Variants in ZFYVE28 observed in about 807,000 individuals in gnomAD.
ZFYVE28 encodes the protein lateral signaling target protein 2 homolog.
ZFYVE28 carries 40 observed loss-of-function variants against 82.1 expected under a neutral mutation model. The ratio of observed to expected loss-of-function variants is 0.49; its 90% CI spans 0.38 to 0.63. The LOEUF (loss-of-function observed/expected upper bound fraction) is 0.63. Ranked by LOEUF, ZFYVE28 falls within the 30% of genes least tolerant of loss-of-function variation. ZFYVE28 has a pLI of 0.00. For synonymous variants in ZFYVE28, 612 were observed against 546.1 expected (o/e 1.12, Z -1.68); for missense variants, 1,321 against 1,242.1 (o/e 1.06, Z -0.96).
chr4:2,413,697 T>A (rs1732752787), intron 1 of ZFYVE28, among the ~76,000 whole-genome samples: 1 of 152,254 alleles, frequency 6.6e-6, no homozygotes, highest in Non-Finnish European at 1.5e-5. Flanking sequence ...ATCAGTAGCC[T>A]GGCTAGAAGT....
At chr4:2,284,035 A>G (rs1283105082) in intron 8 of ZFYVE28, among the ~76,000 whole-genome samples, 1 of 152,218 alleles carries the variant, frequency 6.6e-6, no homozygotes, top group Non-Finnish European at 1.5e-5. Flanking sequence ...AATTCCCTGT[A>G]GGCTACACTT....
intron 8 of ZFYVE28, among the ~76,000 whole-genome samples, chr4:2,297,445 C>T (rs947215381): frequency 4.6e-5 from 7 of 152,164 alleles, no homozygotes; most frequent in Admixed American, 1.3e-4. Flanking sequence ...CCAGGTGGGG[C>T]GCGGTGGGTG....
Position 2,386,055 on chromosome 4 carries a change from C to A in ZFYVE28, c.40-31982G>T, listed in dbSNP as rs536556193. ...TTTTCTGTTCCCACCAAAAACCCCA[C>A]AATTTCTTCCCTTCCCTTCCCTGCT... On this transcript the variant is annotated intron_variant, in intron 1 of 12. Transcript: ENST00000290974. Among the ~76,000 whole-genome samples, 5 of 152,342 alleles carry A rather than the reference C, an allele frequency of 3.3e-5. No individual in the cohort carries two copies. The South Asian group carries it at 6.2e-4, about 19-fold the overall frequency.
chr4:2,330,784 T>C, intron 6 of ZFYVE28: 1 of 1,520,068 alleles, frequency 6.6e-7, no homozygotes, highest in South Asian at 1.2e-5. Context: ...GATAGGACAG[T>C]CAAGGGGACC....
At chr4:2,282,082 A>C (rs1238100436) in intron 8 of ZFYVE28, among the ~76,000 whole-genome samples, 4 of 152,124 alleles carry the variant, frequency 2.6e-5, no homozygotes, top group Non-Finnish European at 5.9e-5. Flanking sequence ...CAGAGTCTGA[A>C]CCCTTGTCAC....
At chr4:2,346,341 C>CAAA (rs533714412) in intron 2 of ZFYVE28, among the ~76,000 whole-genome samples, 1 of 98,136 alleles carries the variant, frequency 1.0e-5, no homozygotes, top group African/African-American at 3.9e-5. Flanking sequence ...GACTCCATCT[C>CAAA]AAAAAAAAAA....
chr4:2,360,025 G>A lies in ZFYVE28; in HGVS notation c.40-5952C>T, dbSNP rs556984139. Among the ~76,000 whole-genome samples the A allele has an allele frequency of 4.2e-4, 64 of 152,188 alleles. No individual in the cohort carries two copies. The East Asian group carries it at 9.1e-3, about 22-fold the overall frequency. ...TACCCACCCCGGACAAGCGCACGGC[G>A]TCTACAACAACCTGCGAGGCCATTT... is the stretch of plus-strand genomic sequence containing the variant. On this transcript the variant is annotated intron_variant, in intron 1 of 12. Transcript: ENST00000290974.
At chr4:2,352,193 G>C (rs1724569714) in intron 2 of ZFYVE28, among the ~76,000 whole-genome samples, 1 of 152,210 alleles carries the variant, frequency 6.6e-6, no homozygotes, top group African/African-American at 2.4e-5. Flanking sequence ...CTGGGCGTAA[G>C]GTGGGCCCTG....
intron 1 of ZFYVE28, among the ~76,000 whole-genome samples, chr4:2,400,366 G>A (rs1354760033): frequency 6.6e-6 from 1 of 152,068 alleles, no homozygotes; most frequent in Non-Finnish European, 1.5e-5. Flanking sequence ...CTCTGTGACA[G>A]CACACGCACA....
intron 6 of ZFYVE28, chr4:2,330,132 G>T: frequency 3.4e-6 from 1 of 295,544 alleles, no homozygotes; most frequent in Non-Finnish European, 5.0e-6. Flanking sequence ...AATAGGGGGT[G>T]GAGGTGACCG....
At chr4:2,355,199 AATATATAT>A (rs71167785) in intron 1 of ZFYVE28, among the ~76,000 whole-genome samples, 2 of 48,938 alleles carry the variant, frequency 4.1e-5, no homozygotes, top group Non-Finnish European at 7.7e-5. Flanking sequence ...AGTCCTTGAA[AATATATAT>A]ATATATATAT....
intron 1 of ZFYVE28, among the ~76,000 whole-genome samples, chr4:2,369,903 T>G (rs1727337827): frequency 7.0e-6 from 1 of 143,002 alleles, no homozygotes; most frequent in Non-Finnish European, 1.5e-5. Context: ...CAGGCTGGAG[T>G]GCAGTGGCGT....
chr4:2,388,109 G>A (rs1353040640), intron 1 of ZFYVE28, among the ~76,000 whole-genome samples: 1 of 152,230 alleles, frequency 6.6e-6, no homozygotes, highest in Non-Finnish European at 1.5e-5. Context: ...CCAAGGGAGA[G>A]GACGCAGCAC....
intron 8 of ZFYVE28, among the ~76,000 whole-genome samples, chr4:2,279,703 C>T (rs934403128): frequency 3.8e-4 from 58 of 151,974 alleles, no homozygotes; most frequent in African/African-American, 1.3e-3. Flanking sequence ...ATGGCGTGAA[C>T]CCGGGAGGCG....
At chr4:2,314,278 C>A (rs1370708308) in intron 7 of ZFYVE28, among the ~76,000 whole-genome samples, 1 of 152,234 alleles carries the variant, frequency 6.6e-6, no homozygotes, top group South Asian at 2.1e-4. Flanking sequence ...ACCTTGTTCA[C>A]GTACTTGTGT....
intron 1 of ZFYVE28, among the ~76,000 whole-genome samples, chr4:2,364,042 C>T (rs950947290): frequency 5.9e-5 from 9 of 152,324 alleles, no homozygotes; most frequent in African/African-American, 1.7e-4. Context: ...AAGCCACCAC[C>T]GATGTTGGTG....
chr4:2,337,921 T>G (rs533203082), intron 4 of ZFYVE28, among the ~76,000 whole-genome samples: 3 of 149,750 alleles, frequency 2.0e-5, no homozygotes, highest in Non-Finnish European at 4.4e-5. Flanking sequence ...GGCAGTTTCA[T>G]AGTACACAGC....
chr4:2,390,477 A>G (rs1729712149), intron 1 of ZFYVE28, among the ~76,000 whole-genome samples: 1 of 152,180 alleles, frequency 6.6e-6, no homozygotes, highest in Admixed American at 6.5e-5. Flanking sequence ...GATGATGGGG[A>G]GCCAGGACCC....
chr4:2,291,865 T>C (rs1477827542), intron 8 of ZFYVE28, among the ~76,000 whole-genome samples: 1 of 152,130 alleles, frequency 6.6e-6, no homozygotes, highest in Non-Finnish European at 1.5e-5. Context: ...AGCCAGTCCA[T>C]GGTGCTGCAC....
Sources: gnomAD v4.1 joint callset for allele counts (sites outside exome capture counted in the v4.1 genomes callset) on GRCh38, gnomAD v4.1.1 for gene constraint, MANE v1.5 for transcripts, NCBI Gene and HGNC (gene_info 2026-07-23, HGNC 2026-07-21) for gene names.